The following SH2D4A variants were observed in gnomAD, a reference collection of about 807,000 sequenced individuals.
SH2D4A encodes SH2 domain-containing protein 4A.
Under a neutral mutation model 64.7 loss-of-function variants are expected in SH2D4A, and 70 were observed. That is an observed-to-expected ratio of 1.08 (90% CI 0.89 to 1.32). The LOEUF is 1.32. SH2D4A is among the 40% of genes most tolerant of loss of function. SH2D4A has a pLI of 0.00. For synonymous variants in SH2D4A, 268 were observed against 200.7 expected (o/e 1.34, Z -2.83); for missense variants, 706 against 540.1 (o/e 1.31, Z -3.04).
chr8:19,320,392 C>T (rs1002614154), intron 2 of SH2D4A, among the ~76,000 whole-genome samples: 4 of 151,786 alleles, frequency 2.6e-5, no homozygotes, highest in East Asian at 1.9e-4. Context: ...TTTGGGTGGC[C>T]GAGGTAGGAG....
At chr8:19,342,545 A>G (rs2052545170) in intron 4 of SH2D4A, among the ~76,000 whole-genome samples, 1 of 152,212 alleles carries the variant, frequency 6.6e-6, no homozygotes, top group Non-Finnish European at 1.5e-5. Context: ...GGAAAGATGT[A>G]CATTCAACAT....
intron 4 of SH2D4A, among the ~76,000 whole-genome samples, 155 bp downstream of exon 4, chr8:19,335,012 G>A (rs574588208): frequency 2.6e-5 from 4 of 152,166 alleles, no homozygotes; most frequent in East Asian, 1.9e-4. Flanking sequence ...GGGCAGGCAC[G>A]GTGGCTCATG....
Position 19,373,548 on chromosome 8 carries a change from G to A in SH2D4A, c.936G>A (p.Arg312=), listed in dbSNP as rs761594262. The A allele has an allele frequency of 8.7e-6, 14 of 1,608,080 alleles. No individual in the cohort carries two copies. In the East Asian group the frequency reaches 2.7e-4, roughly 31 times the overall value. The change falls in exon 8 of 10, where the codon AGG becomes AGA. Residue 312 remains arginine, a synonymous_variant. Coordinates refer to ENST00000265807, the MANE Select transcript of SH2D4A (RefSeq NM_022071.4). ...ATAACAGAAATCAGGGAGTGGTGAG[G>A]ACACTGTCCAGCTCTGCCCAAGAGG... ...QKPLRNQGVV[R]TLSSSAQEDI... is the part of the protein sequence containing the mutation.
chr8:19,363,188 G>A (rs927386096), intron 6 of SH2D4A, among the ~76,000 whole-genome samples: 4 of 152,024 alleles, frequency 2.6e-5, no homozygotes, highest in Admixed American at 1.3e-4. Flanking sequence ...GGATTCTCCC[G>A]CCTCAGCCTC....
At chr8:19,355,869 G>C in intron 4 of SH2D4A, among the ~76,000 whole-genome samples, 1 of 152,216 alleles carries the variant, frequency 6.6e-6, no homozygotes, top group East Asian at 1.9e-4. Context: ...AGCAACTGTT[G>C]TGACCAGTTT....
chr8:19,363,912 A>G (rs1260719068), intron 6 of SH2D4A, 160 bp from the exon 7 acceptor site: 1 of 670,612 alleles, frequency 1.5e-6, no homozygotes, highest in African/African-American at 1.8e-5. Context: ...GCAAGCCCTA[A>G]TGGCCTGGAT....
intron 8 of SH2D4A, among the ~76,000 whole-genome samples, chr8:19,391,519 T>C (rs1195700105): frequency 6.6e-6 from 1 of 152,154 alleles, no homozygotes; most frequent in African/African-American, 2.4e-5. Flanking sequence ...CTGGTCTGTT[T>C]CGAGGATGTT....
chr8:19,338,565 C>T (rs1379913064), intron 4 of SH2D4A, among the ~76,000 whole-genome samples: 2 of 152,130 alleles, frequency 1.3e-5, no homozygotes, highest in African/African-American at 4.8e-5. Flanking sequence ...GGATAATGAT[C>T]AGAGACATGT....
At chr8:19,388,755 C>T (rs1469608656) in intron 8 of SH2D4A, among the ~76,000 whole-genome samples, 1 of 152,136 alleles carries the variant, frequency 6.6e-6, no homozygotes, top group Non-Finnish European at 1.5e-5. Context: ...CGGAAGTGTC[C>T]CACAGAAGGA....
intron 2 of SH2D4A, among the ~76,000 whole-genome samples, chr8:19,332,722 A>G (rs894470590): frequency 1.3e-5 from 2 of 150,800 alleles, no homozygotes; most frequent in African/African-American, 4.9e-5. Flanking sequence ...AAGCACGGGC[A>G]AAAAACATAC....
intron 8 of SH2D4A, among the ~76,000 whole-genome samples, chr8:19,380,391 C>G (rs1222472678): frequency 3.3e-5 from 5 of 151,958 alleles, no homozygotes; most frequent in Non-Finnish European, 7.4e-5. Context: ...TTCGATTTGC[C>G]TCTTTTTTTC....
chr8:19,314,356 A>C (rs1241283314), intron 1 of SH2D4A, among the ~76,000 whole-genome samples: 6 of 152,056 alleles, frequency 3.9e-5, no homozygotes, highest in African/African-American at 4.8e-5. Context: ...GCACCCCCGC[A>C]GCACGTTCCC....
At position 19,313,834 on chromosome 8, in the gene SH2D4A, G is replaced by A. The variant is rs1420261157; in HGVS notation, c.-205+11G>A. The A allele has an allele frequency of 1.3e-6, 2 of 1,483,132 alleles. No individual in the cohort carries two copies. Among genetic ancestry groups the A allele is most frequent in the Non-Finnish European group, 1.8e-6 (2 of 1,123,460 alleles). The allele number at this position is 1,483,132 out of a possible 1,614,324, so 91.9% of individuals were successfully genotyped here. On this transcript the variant is annotated intron_variant, in intron 1 of 9. Coordinates refer to ENST00000265807, the MANE Select transcript of SH2D4A (RefSeq NM_022071.4). ...GGGCGCCCAGCACTGGTAGGTGCTG[G>A]GGGTGGGGCGAGGCTTTGGGGAGAG...
At chr8:19,358,720 C>G (rs886434069) in intron 5 of SH2D4A, among the ~76,000 whole-genome samples, 43 of 152,190 alleles carry the variant, frequency 2.8e-4, no homozygotes, top group African/African-American at 9.9e-4. Context: ...TTTGGGGACA[C>G]TTGTGAGGCT....
chr8:19,324,605 C>T (rs932463604), intron 2 of SH2D4A, among the ~76,000 whole-genome samples: 6 of 152,168 alleles, frequency 3.9e-5, no homozygotes, highest in African/African-American at 1.2e-4. Context: ...GGAGTTGCCG[C>T]CCAGTCACGA....
intron 8 of SH2D4A, among the ~76,000 whole-genome samples, chr8:19,384,863 A>G (rs1412852203): frequency 3.3e-5 from 5 of 152,222 alleles, no homozygotes; most frequent in Admixed American, 6.5e-5. Context: ...ATTGCAGCTC[A>G]GAAACTGGCA....
At chr8:19,353,674 G>GT (rs55989081) in intron 4 of SH2D4A, among the ~76,000 whole-genome samples, 35,690 of 104,926 alleles carry the variant, frequency 0.34, 6,814 homozygotes, top group Non-Finnish European at 0.45. Flanking sequence ...GCCTCTAGCT[G>GT]TTTTTTTTTT....
At chr8:19,389,994 T>C (rs1296439731) in intron 8 of SH2D4A, among the ~76,000 whole-genome samples, 1 of 152,212 alleles carries the variant, frequency 6.6e-6, no homozygotes, top group Non-Finnish European at 1.5e-5. Context: ...CAATGTGTCA[T>C]AGCCTTTAGG....
At chr8:19,389,494 T>G (rs2053449994) in intron 8 of SH2D4A, among the ~76,000 whole-genome samples, 1 of 152,192 alleles carries the variant, frequency 6.6e-6, no homozygotes, top group Non-Finnish European at 1.5e-5. Flanking sequence ...CGACGGACCC[T>G]TGTGCTGCTG....
Sources: allele counts gnomAD v4.1 joint callset (sites outside exome capture counted in the v4.1 genomes callset), GRCh38; gene constraint gnomAD v4.1.1; transcripts MANE v1.5; gene names NCBI Gene and HGNC (gene_info 2026-07-23, HGNC 2026-07-21).